Variants in SESN1 observed in about 807,000 individuals in gnomAD.
SESN1 encodes sestrin 1, also known as sestrin-1.
Under a neutral mutation model 59.3 loss-of-function variants are expected in SESN1, and 30 were observed. That is an observed-to-expected ratio of 0.51 (90% CI 0.38 to 0.69). The LOEUF (loss-of-function observed/expected upper bound fraction) is 0.69. Ranked by LOEUF, SESN1 falls within the 30% of genes least tolerant of loss-of-function variation. The pLI is 0.00. For missense variants in SESN1, 566 were observed against 673.0 expected, an observed-to-expected ratio of 0.84 and a Z score of 1.76; for synonymous variants, 197 against 219.9, an observed-to-expected ratio of 0.90 and a Z score of 0.92.
rs1779792598 is a variant in SESN1 at position 109,008,906 on chromosome 6, G to A, written c.280-6563C>T. The A allele has an allele frequency of 3.0e-6, 3 of 987,194 alleles. No individual in the cohort carries two copies. In the South Asian group the frequency reaches 1.4e-4, roughly 46 times the overall value. The allele number at this position is 987,194 out of a possible 1,614,324, so 61.2% of individuals were successfully genotyped here. ...TTTTTCTTTCTCTCTCTTTTAAGTA[G>A]GAGGCAAAGGGGATGAAGGTGGCTA... On this transcript the variant is annotated intron_variant, in intron 1 of 9. Coordinates refer to ENST00000436639, the MANE Select transcript of SESN1 (RefSeq NM_014454.3).
In SESN1 at chr6:108,992,807, C is replaced by A; in HGVS notation, c.1213G>T (p.Val405Phe). 1 of 1,612,374 alleles carries A rather than the reference C, an allele frequency of 6.2e-7. No individual in the cohort carries two copies. The highest frequency in any genetic ancestry group is 8.5e-7 in the Non-Finnish European group (1 of 1,178,566). Residue 405 changes from valine to phenylalanine, a missense_variant, in exon 7 of 10, where the codon GTT becomes TTT. Transcript: ENST00000436639. The stretch of plus-strand genomic sequence containing the variant: ...TTTACCTGGACACGAAATGTTGGAA[C>A]ATGCATCCCATGTCTAGAGAAATCT... ...YKDFSRHGMH[V>F]PTFRVQDYCW...
intron 1 of SESN1, among the ~76,000 whole-genome samples, chr6:109,031,916 A>C (rs1347135976): frequency 6.6e-6 from 1 of 152,214 alleles, no homozygotes; most frequent in Non-Finnish European, 1.5e-5. Flanking sequence ...GATGGAACCC[A>C]AGTCTAAACA....
chr6:109,065,378 GTTTCTT>G (rs1263557163), intron 1 of SESN1, among the ~76,000 whole-genome samples: 2 of 151,702 alleles, frequency 1.3e-5, no homozygotes, highest in African/African-American at 2.4e-5. Context: ...TCAGAGATTT[GTTTCTT>G]TTTATTTTTC....
At chr6:108,996,390 G>A (rs1360244302) in intron 5 of SESN1, among the ~76,000 whole-genome samples, 1 of 152,066 alleles carries the variant, frequency 6.6e-6, no homozygotes. Flanking sequence ...CATAGAGTCA[G>A]TAACCAAATA....
At chr6:109,024,539 T>TA (rs1389453109) in intron 1 of SESN1, among the ~76,000 whole-genome samples, 1 of 152,312 alleles carries the variant, frequency 6.6e-6, no homozygotes, top group African/African-American at 2.4e-5. Context: ...ACAAAATACC[T>TA]AAAAATATTT....
intron 1 of SESN1, among the ~76,000 whole-genome samples, chr6:109,078,115 T>G (rs1285583769): frequency 6.6e-6 from 1 of 152,150 alleles, no homozygotes; most frequent in Non-Finnish European, 1.5e-5. Flanking sequence ...CTATTTAAAT[T>G]TGTATATTTA....
intron 1 of SESN1, among the ~76,000 whole-genome samples, chr6:109,007,923 G>A (rs1348813396): frequency 1.3e-5 from 2 of 151,536 alleles, no homozygotes; most frequent in Non-Finnish European, 2.9e-5. Flanking sequence ...TCTTGAAAGT[G>A]TTTAATTTAA....
In SESN1 at chr6:109,027,475, T is replaced by G. The variant is rs565480194; in HGVS notation, c.280-25132A>C. 4.3e-3 allele frequency among the ~76,000 whole-genome samples: 201 copies of G among 46,518 alleles called. 1 individual carries two copies. Among genetic ancestry groups the G allele is most frequent in the African/African-American group, 0.018 (189 of 10,320 alleles). 30.5% of individuals were successfully genotyped at this position (46,518 alleles called of 152,430 possible). A position where few individuals can be genotyped will look rare whatever the true frequency, so the allele number is the denominator to read the frequency against. ...CTGGGCGACAGAGGGAGACTCTGTC[T>G]CAAAAAAAAAAAAAAAAAAAAAAAA... On this transcript the variant is annotated intron_variant, in intron 1 of 9. Coordinates refer to ENST00000436639, the MANE Select transcript of SESN1 (RefSeq NM_014454.3).
intron 1 of SESN1, among the ~76,000 whole-genome samples, chr6:109,077,580 T>A (rs1781051509): frequency 6.6e-6 from 1 of 152,184 alleles, no homozygotes; most frequent in Non-Finnish European, 1.5e-5. Context: ...GTTTTGCAGA[T>A]CTGGTGTGAC....
At chr6:109,009,094 T>A in intron 1 of SESN1, 1 of 795,052 alleles carries the variant, frequency 1.3e-6, no homozygotes, top group East Asian at 3.9e-5. Context: ...GCGGCCGCAG[T>A]CTCTCCCAGC....
At chr6:109,012,265 C>CG in intron 1 of SESN1, among the ~76,000 whole-genome samples, 1 of 146,820 alleles carries the variant, frequency 6.8e-6, no homozygotes, top group East Asian at 2.0e-4. Flanking sequence ...TTTTTTGAGA[C>CG]GGAGTCTCGC....
rs35551072 is a variant in SESN1 at position 108,998,759 on chromosome 6, A to AG, written c.730-5dup. On this transcript the variant is annotated splice_polypyrimidine_tract_variant and splice_region_variant and intron_variant, in intron 4 of 9. Transcript: ENST00000436639. ...GCTCTTCAGCTTTTAAAAGTCCCTT[A>AG]GGGGGAAAAAAAAAAAGAATATATT... The AG allele has an allele frequency of 6.9e-6, 11 of 1,598,540 alleles. No homozygotes were observed. Among genetic ancestry groups the AG allele is most frequent in the Admixed American group, 1.7e-5 (1 of 58,106 alleles).
intron 1 of SESN1, among the ~76,000 whole-genome samples, chr6:109,036,936 TA>T (rs142854767): frequency 0.019 from 2,827 of 152,350 alleles, 47 homozygotes; most frequent in Non-Finnish European, 0.028. Context: ...CAAAAAGGTT[TA>T]CAGATGTTTA....
At chr6:109,082,171 T>A (rs144884464) in intron 1 of SESN1, among the ~76,000 whole-genome samples, 6 of 152,284 alleles carry the variant, frequency 3.9e-5, no homozygotes, top group African/African-American at 1.4e-4. Context: ...ATAAAATCCT[T>A]GTAGTTCCTA....
chr6:108,997,349 C>T (rs765452046), intron 5 of SESN1, among the ~76,000 whole-genome samples: 2 of 152,176 alleles, frequency 1.3e-5, no homozygotes, highest in Non-Finnish European at 2.9e-5. Flanking sequence ...CAACTGAATA[C>T]TCTCTTGGAT....
At chr6:109,010,087 A>T (rs1384523649) in intron 1 of SESN1, among the ~76,000 whole-genome samples, 1 of 152,218 alleles carries the variant, frequency 6.6e-6, no homozygotes, top group Non-Finnish European at 1.5e-5. Context: ...AAAGCTATAA[A>T]TATCACTCCC....
At chr6:109,043,811 A>G (rs1318105932) in intron 1 of SESN1, among the ~76,000 whole-genome samples, 9 of 152,222 alleles carry the variant, frequency 5.9e-5, no homozygotes, top group African/African-American at 2.2e-4. Flanking sequence ...TAATCTTGGC[A>G]AGCTATTTTG....
chr6:108,989,646 T>A lies in SESN1; in HGVS notation c.1425-959A>T, dbSNP rs562352567. Among the ~76,000 whole-genome samples, 6 of 151,774 alleles carry A rather than the reference T, an allele frequency of 4.0e-5. No individual in the cohort carries two copies. The South Asian group carries it at 1.2e-3, about 32-fold the overall frequency. On this transcript the variant is annotated intron_variant, in intron 8 of 9. Coordinates refer to ENST00000436639, the MANE Select transcript of SESN1 (RefSeq NM_014454.3). Reference sequence around the variant, plus strand: ...AGAGAAATTTACTTGTATAAATAAATAAAATAAAAATAATTAGAATTACTT... The same window carrying A: ...AGAGAAATTTACTTGTATAAATAAAAAAAATAAAAATAATTAGAATTACTT...
At chr6:109,071,353 C>CT (rs78641650) in intron 1 of SESN1, among the ~76,000 whole-genome samples, 2,303 of 136,602 alleles carry the variant, frequency 0.017, 61 homozygotes, top group African/African-American at 0.053. Context: ...GTTTTTGTTT[C>CT]TTTTTTTTTT....
Sources: gnomAD v4.1 joint callset for allele counts (sites outside exome capture counted in the v4.1 genomes callset) on GRCh38, gnomAD v4.1.1 for gene constraint, MANE v1.5 for transcripts, NCBI Gene and HGNC (gene_info 2026-07-23, HGNC 2026-07-21) for gene names.